The following ASPRV1 variants were observed in gnomAD, a reference collection of about 807,000 sequenced individuals.
ASPRV1 encodes aspartic peptidase retroviral like 1.
Under a neutral mutation model 11.0 loss-of-function variants are expected in ASPRV1, and 7 were observed. That is an observed-to-expected ratio of 0.64 (90% confidence interval 0.36 to 1.20). ASPRV1 has a LOEUF of 1.20. Among genes scored for constraint, ASPRV1 ranks in the 50% most tolerant of loss-of-function variants. The pLI is 0.02. For synonymous variants in ASPRV1, 136 were observed against 138.4 expected (o/e 0.98, Z 0.12); for missense variants, 299 against 320.0 (o/e 0.93, Z 0.50).
At chr2:69,961,710 C>T (rs202213820), upstream of ASPRV1, 192 of 1,522,146 alleles carry the variant, frequency 1.3e-4, 1 homozygote, top group Middle Eastern at 4.7e-4. Flanking sequence ...CTGGAAGCTC[C>T]GCCCCTCCTC....
At chr2:69,957,829 G>A (rs1453140347), downstream of ASPRV1, among the ~76,000 whole-genome samples, 4 of 152,130 alleles carry the variant, frequency 2.6e-5, no homozygotes, top group Non-Finnish European at 5.9e-5. Flanking sequence ...CTTCTCTGGT[G>A]ATTATCATGT....
At chr2:70,085,639 G>C in the ASPRV1 span, 2 of 151,796 alleles carry the variant, frequency 1.3e-5, no homozygotes, top group African/African-American at 4.9e-5. Context: ...TTAAAAGAGA[G>C]AGAGAGAGAG....
chr2:69,957,194 T>C (rs1268984787), downstream of ASPRV1, among the ~76,000 whole-genome samples: 1 of 149,196 alleles, frequency 6.7e-6, no homozygotes, highest in Non-Finnish European at 1.5e-5. Flanking sequence ...AATGCCCTTG[T>C]TGTTGTTGTT....
chr2:70,000,369 G>A, the ASPRV1 span, among the ~76,000 whole-genome samples: 6 of 143,834 alleles, frequency 4.2e-5, no homozygotes, highest in Non-Finnish European at 7.5e-5. Context: ...CGTAATATAT[G>A]ACAGACAAGG....
chr2:69,974,363 G>T, the ASPRV1 span, among the ~76,000 whole-genome samples: 2 of 151,922 alleles, frequency 1.3e-5, no homozygotes, highest in Non-Finnish European at 2.9e-5. Context: ...ATTAGGAAGT[G>T]ATGGTTTTTG....
chr2:70,083,113 T>C, the ASPRV1 span, among the ~76,000 whole-genome samples: 57 of 152,282 alleles, frequency 3.7e-4, no homozygotes, highest in South Asian at 0.011. Context: ...GGTAAATGCA[T>C]TGGCTGTTTG....
the ASPRV1 span, among the ~76,000 whole-genome samples, chr2:69,986,378 C>T: frequency 1.3e-5 from 2 of 152,340 alleles, no homozygotes; most frequent in Admixed American, 1.3e-4. Context: ...TGAGCACTCC[C>T]CTCGCTCAGA....
chr2:70,066,238 A>C, the ASPRV1 span, among the ~76,000 whole-genome samples: 3 of 151,802 alleles, frequency 2.0e-5, no homozygotes, highest in African/African-American at 7.3e-5. Flanking sequence ...AACATCACTA[A>C]CATCATTTTT....
upstream of ASPRV1, chr2:69,964,241 T>A (rs1364653892): frequency 1.0e-5 from 4 of 385,890 alleles, no homozygotes; most frequent in Non-Finnish European, 2.1e-5. Context: ...CTTGGCCCCA[T>A]CCTTCCCCAC....
the ASPRV1 span, among the ~76,000 whole-genome samples, chr2:69,991,403 A>G: frequency 2.0e-5 from 3 of 152,222 alleles, no homozygotes; most frequent in African/African-American, 7.2e-5. Flanking sequence ...CAAATATAAA[A>G]TGTTACATTT....
chr2:70,040,042 G>A, the ASPRV1 span, among the ~76,000 whole-genome samples: 3 of 152,212 alleles, frequency 2.0e-5, no homozygotes, highest in Non-Finnish European at 4.4e-5. Flanking sequence ...TGAGTTTAAG[G>A]TGCTTAAGAG....
chr2:70,086,226 AT>A, the ASPRV1 span: 3 of 152,000 alleles, frequency 2.0e-5, no homozygotes, highest in Non-Finnish European at 2.9e-5. Context: ...GCCGACCCCA[AT>A]TTCTCGTTGG....
chr2:70,028,835 G>A, the ASPRV1 span, among the ~76,000 whole-genome samples: 8 of 152,006 alleles, frequency 5.3e-5, no homozygotes, highest in Admixed American at 2.6e-4. Context: ...CCAGCTACTC[G>A]GGAGGCTGAG....
At chr2:70,005,399 T>C in the ASPRV1 span, among the ~76,000 whole-genome samples, 1 of 152,308 alleles carries the variant, frequency 6.6e-6, no homozygotes, top group African/African-American at 2.4e-5. Context: ...GTTCCACTTC[T>C]ACATCCACTT....
chr2:70,068,946 CAAA>C, the ASPRV1 span, among the ~76,000 whole-genome samples: 10 of 59,062 alleles, frequency 1.7e-4, no homozygotes, highest in Admixed American at 6.5e-4. Context: ...ACTCTTGTCT[CAAA>C]AAAAAAAAAA....
At chr2:69,985,886 C>G in the ASPRV1 span, among the ~76,000 whole-genome samples, 1 of 152,210 alleles carries the variant, frequency 6.6e-6, no homozygotes, top group Non-Finnish European at 1.5e-5. Flanking sequence ...AACCACACAC[C>G]TACGTAAGCA....
the ASPRV1 span, among the ~76,000 whole-genome samples, chr2:70,023,291 C>T: frequency 6.6e-6 from 1 of 152,172 alleles, no homozygotes; most frequent in Non-Finnish European, 1.5e-5. Flanking sequence ...AACAGCCAAT[C>T]AGGCAAAGCA....
In ASPRV1 at chr2:69,960,709, A is replaced by C; in HGVS notation, c.728T>G (p.Leu243Arg). 6.2e-7 allele frequency: 1 copy of C among 1,614,056 alleles called. No individual in the cohort carries two copies. The highest frequency in any genetic ancestry group is 8.5e-7 in the Non-Finnish European group (1 of 1,180,012). ...TTCTGAGGAGGGGTCCTCCTCTATG[A>C]GCTCCAGGTCAAACTCATCTTCCAG... ...GSLEDEFDLE[L>R]IEEDPSSEEG... Residue 243 changes from leucine to arginine, a missense_variant, in exon 1 of 1, where the codon CTC (leucine) becomes CGC (arginine). Coordinates refer to ENST00000320256, the MANE Select transcript of ASPRV1 (RefSeq NM_152792.4).
downstream of ASPRV1, among the ~76,000 whole-genome samples, chr2:69,956,486 A>G (rs192373592): frequency 5.5e-3 from 835 of 151,102 alleles, 6 homozygotes; most frequent in Non-Finnish European, 0.01. Flanking sequence ...GAAAAGAGGA[A>G]GAAGAAGAAG....
Sources: gnomAD v4.1 joint callset for allele counts (sites outside exome capture counted in the v4.1 genomes callset) on GRCh38, gnomAD v4.1.1 for gene constraint, MANE v1.5 for transcripts, NCBI Gene and HGNC (gene_info 2026-07-23, HGNC 2026-07-21) for gene names.